RHOT1: variants seen among roughly 807,000 people sequenced by gnomAD.
RHOT1 encodes the protein ras homolog family member T1.
A neutral mutation model predicts 95.3 loss-of-function variants in RHOT1; 27 were observed. The ratio of observed to expected loss-of-function variants is 0.28; its 90% CI spans 0.21 to 0.39. The LOEUF (loss-of-function observed/expected upper bound fraction) is 0.39. Ranked by LOEUF, RHOT1 falls within the 10% of genes least tolerant of loss-of-function variation. The pLI is 1.00. For missense variants in RHOT1, 578 were observed against 786.7 expected, an observed-to-expected ratio of 0.73 and a Z score of 3.17; for synonymous variants, 227 against 263.5, an observed-to-expected ratio of 0.86 and a Z score of 1.34.
At chr17:32,195,522 C>T (rs77047653) in intron 11 of RHOT1, among the ~76,000 whole-genome samples, 2,620 of 152,246 alleles carry the variant, frequency 0.017, 35 homozygotes, top group South Asian at 0.025. Flanking sequence ...TCTTCTATAC[C>T]CCAGGGAAGC....
Position 32,193,230 on chromosome 17 carries a change from G to T in RHOT1, c.734G>T (p.Gly245Val), listed in dbSNP as rs1284130961. 1 of 1,609,444 alleles carries T rather than the reference G, an allele frequency of 6.2e-7. No homozygotes were observed. Among genetic ancestry groups the T allele is most frequent in the African/African-American group, 1.3e-5 (1 of 74,774 alleles). ...KHISDGVADS[G>V]LTLKGFLFLH... ...ATAAGTGATGGTGTGGCTGACAGTG[G>T]GTTGACCCTGAAAGGTGGGTAAATG... is the stretch of plus-strand genomic sequence containing the variant. The change falls in exon 10 of 20, where the codon GGG (glycine) becomes GTG (valine). Residue 245 changes from glycine (G) to valine (V), a missense_variant. Gly to Val is a moderately radical substitution (Grantham distance 109). Around this residue, in one of 4 missense-constraint regions of RHOT1, gnomAD observed 227 missense variants for 316.0 expected, o/e 0.72. Coordinates refer to ENST00000545287, the MANE Select transcript of RHOT1 (RefSeq NM_001033566.3).
intron 1 of RHOT1, among the ~76,000 whole-genome samples, chr17:32,146,612 A>ATTT (rs778057684): frequency 7.8e-6 from 1 of 127,454 alleles, no homozygotes; most frequent in African/African-American, 3.0e-5. Context: ...CGCCCGGCTA[A>ATTT]TTTTTTTTTT....
intron 8 of RHOT1, among the ~76,000 whole-genome samples, chr17:32,189,808 C>G (rs926662555): frequency 6.1e-5 from 9 of 146,934 alleles, no homozygotes; most frequent in Admixed American, 3.4e-4. Context: ...TCTCAGCTCA[C>G]TGCAACCTCC....
chr17:32,150,892 G>A (rs1366038556), intron 1 of RHOT1: 1 of 1,543,834 alleles, frequency 6.5e-7, no homozygotes, highest in East Asian at 2.2e-5. Context: ...AGCACTGGGG[G>A]ATGTTCTGGG....
At chr17:32,163,782 A>G (rs1217460704) in intron 1 of RHOT1, among the ~76,000 whole-genome samples, 2 of 152,138 alleles carry the variant, frequency 1.3e-5, no homozygotes, top group Non-Finnish European at 2.9e-5. Flanking sequence ...TATTGGTGAT[A>G]ACTATCTAAG....
chr17:32,190,472 A>G (rs1448679612), intron 8 of RHOT1, among the ~76,000 whole-genome samples: 1 of 152,040 alleles, frequency 6.6e-6, no homozygotes, highest in Non-Finnish European at 1.5e-5. Context: ...AAAGGAGAAA[A>G]GTGCATTGTT....
intron 18 of RHOT1, chr17:32,209,539 G>T: frequency 1.3e-6 from 1 of 742,638 alleles, no homozygotes; most frequent in South Asian, 1.8e-5. Flanking sequence ...TTAACATTTA[G>T]TAATTATGTA....
At chr17:32,181,805 C>T (rs902565391) in intron 6 of RHOT1, among the ~76,000 whole-genome samples, 10 of 152,212 alleles carry the variant, frequency 6.6e-5, no homozygotes, top group South Asian at 2.1e-4. Flanking sequence ...ATAAAACCTA[C>T]ACTCCTTACT....
At chr17:32,170,840 A>C (rs947677955) in intron 1 of RHOT1, among the ~76,000 whole-genome samples, 11 of 152,230 alleles carry the variant, frequency 7.2e-5, no homozygotes, top group African/African-American at 2.7e-4. Flanking sequence ...ACTTTTACAG[A>C]ATATATTTTG....
At chr17:32,214,555 A>G (rs1025690205) in intron 19 of RHOT1, among the ~76,000 whole-genome samples, 3 of 152,186 alleles carry the variant, frequency 2.0e-5, no homozygotes, top group Non-Finnish European at 2.9e-5. Flanking sequence ...CTCTGGTCCC[A>G]TCACCACCAC....
intron 2 of RHOT1, among the ~76,000 whole-genome samples, chr17:32,172,214 T>G (rs1173656536): frequency 1.3e-5 from 2 of 152,238 alleles, no homozygotes; most frequent in African/African-American, 2.4e-5. Flanking sequence ...AAAAGACTAT[T>G]TATTATTATT....
chr17:32,211,639 A>G (rs1301526124), intron 19 of RHOT1, among the ~76,000 whole-genome samples: 6 of 152,344 alleles, frequency 3.9e-5, no homozygotes, highest in African/African-American at 1.4e-4. Flanking sequence ...GAAATAATAT[A>G]TCTCATTAAA....
At chr17:32,218,569 A>G (rs1457071905) in intron 19 of RHOT1, among the ~76,000 whole-genome samples, 1 of 151,716 alleles carries the variant, frequency 6.6e-6, no homozygotes. Flanking sequence ...GCACTTTTGG[A>G]GATCGAGACA....
At chr17:32,147,906 A>G (rs1035102121) in intron 1 of RHOT1, among the ~76,000 whole-genome samples, 15 of 150,758 alleles carry the variant, frequency 9.9e-5, no homozygotes, top group African/African-American at 3.7e-4. Flanking sequence ...GGATGTTCAA[A>G]CACCCATTGA....
intron 6 of RHOT1, among the ~76,000 whole-genome samples, chr17:32,180,668 A>C (rs1160724230): frequency 2.0e-5 from 3 of 151,332 alleles, no homozygotes; most frequent in African/African-American, 7.3e-5. Flanking sequence ...AAAAAAAAGA[A>C]ATAATAAATG....
intron 19 of RHOT1, among the ~76,000 whole-genome samples, chr17:32,214,893 T>C (rs1216943762): frequency 7.8e-6 from 1 of 127,992 alleles, no homozygotes; most frequent in Non-Finnish European, 1.6e-5. Flanking sequence ...AAAAGGCTTG[T>C]CTTTTTTTTT....
chr17:32,163,806 A>T (rs574095697), intron 1 of RHOT1, among the ~76,000 whole-genome samples: 1 of 152,294 alleles, frequency 6.6e-6, no homozygotes, highest in African/African-American at 2.4e-5. Context: ...GTTACAATGT[A>T]ATGTAAAAGT....
rs769181876 is a variant in RHOT1 at position 32,224,728 on chromosome 17, C to T, written c.1975C>T (p.Arg659Ter). 1.1e-4 allele frequency: 171 copies of T among 1,589,828 alleles called. No homozygotes were observed. Among genetic ancestry groups the T allele is most frequent in the Non-Finnish European group, 1.3e-4 (151 of 1,161,216 alleles). Residue 659 changes from arginine (R) to a stop codon, truncating the protein, a stop_gained, in exon 20 of 20, where the codon CGA becomes TGA. Transcript: ENST00000545287. LOFTEE classifies it high-confidence loss of function. ...TATGTACAAAGCATTATTGAAACAG[C>T]GATGATATAAAAAGAAATACTGTCC... ...FAMYKALLKQ[R>*]
intron 16 of RHOT1, among the ~76,000 whole-genome samples, chr17:32,204,756 G>A (rs1014101910): frequency 7.2e-5 from 11 of 152,016 alleles, no homozygotes; most frequent in Admixed American, 7.2e-4. Flanking sequence ...GGGAGGCTGA[G>A]TCAGGTGGAT....
Sources: allele counts gnomAD v4.1 joint callset (sites outside exome capture counted in the v4.1 genomes callset), GRCh38; gene constraint gnomAD v4.1.1; regional missense constraint gnomAD v4.1.1; transcripts MANE v1.5; gene names NCBI Gene and HGNC (gene_info 2026-07-23, HGNC 2026-07-21).